The following RNFT2 variants were observed in gnomAD, a reference collection of about 807,000 sequenced individuals.
RNFT2 encodes the protein E3 ubiquitin-protein ligase RNFT2.
In RNFT2, 36 loss-of-function variants were observed where a neutral mutation model predicts 53.0. The ratio of observed to expected loss-of-function variants is 0.68; its 90% CI spans 0.52 to 0.90. RNFT2 has a LOEUF of 0.90. RNFT2 is among the 40% of genes least tolerant of loss of function. The probability of loss-of-function intolerance (pLI) is 0.00; values close to 1 mark genes in which losing one functional copy is unlikely to be tolerated. For missense variants in RNFT2, 514 were observed against 585.6 expected (o/e 0.88, Z 1.26); for synonymous variants, 260 against 253.2 (o/e 1.03, Z -0.26).
intron 6 of RNFT2, among the ~76,000 whole-genome samples, chr12:116,778,792 G>A (rs537059624): frequency 6.6e-6 from 1 of 152,244 alleles, no homozygotes; most frequent in Non-Finnish European, 1.5e-5. Context: ...GGAGGTTGCA[G>A]TGAGCCGAGA....
rs891446541 is a variant in RNFT2 at position 116,763,775 on chromosome 12, T to C, written c.628-3039T>C. Among the ~76,000 whole-genome samples the C allele has an allele frequency of 4.6e-4, 56 of 122,004 alleles. 1 individual carries two copies. Among genetic ancestry groups the C allele is most frequent in the East Asian group, 3.4e-3 (12 of 3,518 alleles). The allele number at this position is 122,004 out of a possible 152,430, so 80.0% of individuals were successfully genotyped here. A position where few individuals can be genotyped will look rare whatever the true frequency, so the allele number is the denominator to read the frequency against. On this transcript the variant is annotated intron_variant, in intron 5 of 10. Transcript: ENST00000257575. Reference sequence around the variant, plus strand: ...GCCTGGGTGACAGAGCGAGACTCCATCTCAAAAAAAAAAGGGGGCGGGGGG... The same window carrying C: ...GCCTGGGTGACAGAGCGAGACTCCACCTCAAAAAAAAAAGGGGGCGGGGGG...
At chr12:116,835,754 G>A (rs890656095) in intron 8 of RNFT2, among the ~76,000 whole-genome samples, 2 of 152,212 alleles carry the variant, frequency 1.3e-5, no homozygotes, top group East Asian at 1.9e-4. Context: ...TCTGGCCTAG[G>A]TAGCAGGGGA....
At chr12:116,750,851 A>ATATATTATATATATAAT (rs1491288992) in intron 4 of RNFT2, among the ~76,000 whole-genome samples, 3 of 105,590 alleles carry the variant, frequency 2.8e-5, no homozygotes, top group Non-Finnish European at 3.5e-5. Context: ...ATATATATAT[A>ATATATTATATATATAAT]ATATATATTA....
Position 116,766,872 on chromosome 12 carries a change from T to G in RNFT2, c.686T>G (p.Leu229Arg). 1 of 1,596,594 alleles carries G rather than the reference T, an allele frequency of 6.3e-7. No homozygotes were observed. The highest frequency in any genetic ancestry group is 2.3e-5 in the East Asian group (1 of 44,354). Reference sequence around the variant, plus strand: ...CTGGCCTTTCTGGCGGGGAACACCCTCTATGTGCTTTATACATTCAGCTCC... The same window carrying G: ...CTGGCCTTTCTGGCGGGGAACACCCGCTATGTGCTTTATACATTCAGCTCC... ...WILAFLAGNT[L>R]YVLYTFSSQQ... Residue 229 changes from leucine to arginine, a missense_variant, in exon 6 of 11, where the codon CTC becomes CGC. Around this residue, in one of 3 missense-constraint regions of RNFT2, gnomAD observed 273 missense variants for 334.4 expected, o/e 0.82. Coordinates refer to ENST00000257575, the MANE Select transcript of RNFT2 (RefSeq NM_001382266.1).
At chr12:116,819,767 C>T (rs1385381805) in intron 7 of RNFT2, among the ~76,000 whole-genome samples, 4 of 152,208 alleles carry the variant, frequency 2.6e-5, no homozygotes. Flanking sequence ...GCATAACTTA[C>T]ATACTGTGGA....
At chr12:116,845,499 T>C (rs1181279910) in intron 10 of RNFT2, among the ~76,000 whole-genome samples, 1 of 152,020 alleles carries the variant, frequency 6.6e-6, no homozygotes, top group Non-Finnish European at 1.5e-5. Flanking sequence ...CCAAAAGAAC[T>C]GGGCATGCAC....
intron 7 of RNFT2, among the ~76,000 whole-genome samples, chr12:116,821,517 GT>G (rs1211794595): frequency 2.0e-5 from 3 of 152,200 alleles, no homozygotes; most frequent in African/African-American, 7.2e-5. Context: ...ACATGTCTTT[GT>G]TTTCAGTTCC....
chr12:116,764,888 G>A (rs111502886), intron 5 of RNFT2, among the ~76,000 whole-genome samples: 2,577 of 152,232 alleles, frequency 0.017, 33 homozygotes, highest in Non-Finnish European at 0.026. Context: ...GCGAAAGTCC[G>A]TCTCAAAAAC....
In RNFT2 at chr12:116,750,203, C is replaced by T. The variant is rs1872123385; in HGVS notation, c.446C>T (p.Pro149Leu). 3 of 1,603,412 alleles carry T rather than the reference C, an allele frequency of 1.9e-6. No homozygotes were observed. Among genetic ancestry groups the T allele is most frequent in the East Asian group, 2.2e-5 (1 of 44,678 alleles). The change falls in exon 4 of 11, where the codon CCC becomes CTC. Residue 149 changes from proline to leucine, a missense_variant. Pro to Leu is a moderately conservative substitution (Grantham distance 98). Coordinates refer to ENST00000257575, the MANE Select transcript of RNFT2 (RefSeq NM_001382266.1). ...GGAGGCGACGAGCAGCCTGGGACGC[C>T]CGCCCCCGCCCTGTCCGAGCTGAAG... The part of the protein sequence containing the change: ...EEGGDEQPGT[P>L]APALSELKAV...
chr12:116,839,310 T>G (rs895676587), intron 10 of RNFT2, among the ~76,000 whole-genome samples: 15 of 151,260 alleles, frequency 9.9e-5, no homozygotes, highest in Non-Finnish European at 1.9e-4. Context: ...GATGGATGGA[T>G]GGAGGGATGG....
At chr12:116,822,023 C>T (rs942135718) in intron 7 of RNFT2, among the ~76,000 whole-genome samples, 4 of 151,960 alleles carry the variant, frequency 2.6e-5, no homozygotes, top group South Asian at 4.2e-4. Flanking sequence ...TTGGTAGAGA[C>T]GGGATTTCAC....
chr12:116,766,806 G>A lies in RNFT2; in HGVS notation c.628-8G>A. ...TTTGATATCACATATCTCTTGCTTT[G>A]TCTTCAGGAGAAGAGGTCAGTGCTG... On this transcript the variant is annotated splice_region_variant and splice_polypyrimidine_tract_variant and intron_variant, in intron 5 of 10. Coordinates refer to ENST00000257575, the MANE Select transcript of RNFT2 (RefSeq NM_001382266.1). 1 of 1,579,458 alleles carries A rather than the reference G, an allele frequency of 6.3e-7. No homozygotes were observed. Among genetic ancestry groups the A allele is most frequent in the South Asian group, 1.2e-5 (1 of 86,296 alleles).
At chr12:116,799,858 C>T (rs1874680854) in intron 7 of RNFT2, among the ~76,000 whole-genome samples, 3 of 152,124 alleles carry the variant, frequency 2.0e-5, no homozygotes, top group Admixed American at 2.0e-4. Flanking sequence ...GGATGTTTGT[C>T]CCCTCCAAAT....
rs577038020 is a variant in RNFT2, at chr12:116,759,419, G to A, written c.627+5359G>A. On this transcript the variant is annotated intron_variant, in intron 5 of 10. Transcript: ENST00000257575. ...GCTGGTGAACTAGTGTGATTTTGGG[G>A]GAGTGTTGAAGAGCCTTGTTTTGTC... Among the ~76,000 whole-genome samples, 63 of 152,236 alleles carry A rather than the reference G, an allele frequency of 4.1e-4. 1 individual carries two copies. The highest frequency in any genetic ancestry group is 3.4e-3 in the Middle Eastern group (1 of 294).
intron 7 of RNFT2, among the ~76,000 whole-genome samples, chr12:116,789,196 T>C (rs2137130815): frequency 8.0e-6 from 1 of 124,838 alleles, no homozygotes; most frequent in South Asian, 2.6e-4. Context: ...AGGAGAGTGG[T>C]GGGTGGATGG....
At chr12:116,750,578 G>A (rs1362917878) in intron 4 of RNFT2, among the ~76,000 whole-genome samples, 1 of 151,636 alleles carries the variant, frequency 6.6e-6, no homozygotes, top group East Asian at 1.9e-4. Flanking sequence ...GTTGGCTGGT[G>A]TAAAGGAGTG....
At position 116,790,748 on chromosome 12, in the gene RNFT2, G is replaced by C. The variant is rs146260285; in HGVS notation, c.882+11400G>C. Among the ~76,000 whole-genome samples the C allele has an allele frequency of 9.8e-3, 1,496 of 152,306 alleles. 14 individuals carry two copies. The highest frequency in any genetic ancestry group is 0.024 in the Admixed American group (373 of 15,296). On this transcript the variant is annotated intron_variant, in intron 7 of 10. Transcript: ENST00000257575. ...AAGTTGGGAGGATCTCTTGAGCCCAGGAGTTCAATACCAGCTTGGGCAACA... is the reference window on the plus strand; with the variant it reads ...AAGTTGGGAGGATCTCTTGAGCCCACGAGTTCAATACCAGCTTGGGCAACA...
At chr12:116,815,901 T>G (rs1366833680) in intron 7 of RNFT2, among the ~76,000 whole-genome samples, 1 of 152,092 alleles carries the variant, frequency 6.6e-6, no homozygotes, top group Non-Finnish European at 1.5e-5. Context: ...TTTGTCAAGT[T>G]TGAAGTCATG....
In RNFT2 at chr12:116,836,013, C is replaced by T; in HGVS notation, c.1086C>T (p.Leu362=). 6.2e-7 allele frequency: 1 copy of T among 1,614,048 alleles called. No individual in the cohort carries two copies. The highest frequency in any genetic ancestry group is 8.5e-7 in the Non-Finnish European group (1 of 1,179,902). The part of the protein sequence containing the change: ...VGGVRKALKL[L]CTSQNYGVRA... ...GAGTTAGGAAAGCCCTGAAGCTTCT[C>T]TGTACCTCTCAGGTGAGTTGGCTTC... Residue 362 remains leucine (L), a synonymous_variant, in exon 9 of 11, where the codon CTC becomes CTT. Transcript: ENST00000257575.
Sources: allele counts gnomAD v4.1 joint callset (sites outside exome capture counted in the v4.1 genomes callset), GRCh38; gene constraint gnomAD v4.1.1; regional missense constraint gnomAD v4.1.1; transcripts MANE v1.5; gene names NCBI Gene and HGNC (gene_info 2026-07-23, HGNC 2026-07-21).